TNFRSF9: variants seen among roughly 807,000 people sequenced by gnomAD.
TNFRSF9 encodes the protein TNF receptor superfamily member 9, also known as tumor necrosis factor receptor superfamily member 9.
A neutral mutation model predicts 28.8 loss-of-function variants in TNFRSF9; 16 were observed. The ratio of observed to expected loss-of-function variants is 0.55; its 90% CI spans 0.38 to 0.84. TNFRSF9 has a LOEUF of 0.84. Ranked by LOEUF, TNFRSF9 falls within the 40% of genes least tolerant of loss-of-function variation. The pLI is 0.00. For missense variants in TNFRSF9, 303 were observed against 315.0 expected, an observed-to-expected ratio of 0.96 and a Z score of 0.29; for synonymous variants, 131 against 117.0, an observed-to-expected ratio of 1.12 and a Z score of -0.77.
Position 7,940,076 on chromosome 1 carries a change from A to C in TNFRSF9, c.-82T>G. The C allele has an allele frequency of 1.0e-6, 1 of 962,414 alleles. No individual in the cohort carries two copies. The highest frequency in any genetic ancestry group is 1.6e-6 in the Non-Finnish European group (1 of 622,342). The allele number at this position is 962,414 out of a possible 1,614,324, so 59.6% of individuals were successfully genotyped here. A position where few individuals can be genotyped will look rare whatever the true frequency, so the allele number is the denominator to read the frequency against. On this transcript the variant is annotated splice_region_variant and 5_prime_UTR_variant, in exon 2 of 8. Coordinates refer to ENST00000377507, the MANE Select transcript of TNFRSF9 (RefSeq NM_001561.6). ...CAAATTAGCTGGTCTCACAAATGTC[A>C]CTCTGCAAAAGATAAACATTTCCAA...
rs1345970169 is a variant in TNFRSF9, at chr1:7,935,026, AG to A, written c.530del (p.Pro177LeufsTer18). The A allele has an allele frequency of 6.2e-7, 1 of 1,614,186 alleles. No individual in the cohort carries two copies. Among genetic ancestry groups the A allele is most frequent in the East Asian group, 2.2e-5 (1 of 44,880 alleles). On this transcript the variant is annotated frameshift_variant, in exon 6 of 8. Transcript: ENST00000377507. LOFTEE classifies it high-confidence loss of function. ...PGASSVTPPA[P>X]AREPGHSPQI... ...TAGCCCAGTTACCTGGCTCTCTCGCAGGGGCAGGCGGGGTCACAGAGGATGC... is the reference window on the plus strand; with the variant it reads ...TAGCCCAGTTACCTGGCTCTCTCGCAGGGCAGGCGGGGTCACAGAGGATGC...
Position 7,925,312 on chromosome 1 carries a change from A to T in TNFRSF9, c.680-4389T>A, listed in dbSNP as rs533052370. Among the ~76,000 whole-genome samples, 317 of 152,208 alleles carry T rather than the reference A, an allele frequency of 2.1e-3. 1 individual carries two copies. Among genetic ancestry groups the T allele is most frequent in the Admixed American group, 3.5e-3 (54 of 15,278 alleles). ...AGCAAGACCCTGCCTCAAAAAAAAA[A>T]AAATTAAAGTTTATGAAGTAAAAAG... is the stretch of plus-strand genomic sequence containing the variant. On this transcript the variant is annotated intron_variant, in intron 7 of 7. Transcript: ENST00000377507.
chr1:7,935,956 AT>A (rs1639809666), intron 5 of TNFRSF9, among the ~76,000 whole-genome samples: 1 of 152,196 alleles, frequency 6.6e-6, no homozygotes. Context: ...GGTAGCTATC[AT>A]TATCACCATC....
chr1:7,915,881 T>A lies in TNFRSF9; in HGVS notation c.*4954A>T, dbSNP rs2151407348. 6.6e-6 allele frequency: 1 copy of A among 152,326 alleles called. No homozygotes were observed. The highest frequency in any genetic ancestry group is 1.9e-4 in the East Asian group (1 of 5,188). 9.4% of individuals were successfully genotyped at this position (152,326 alleles called of 1,614,324 possible). A position where few individuals can be genotyped will look rare whatever the true frequency, so the allele number is the denominator to read the frequency against. On this transcript the variant is annotated 3_prime_UTR_variant, in exon 8 of 8. Coordinates refer to ENST00000377507, the MANE Select transcript of TNFRSF9 (RefSeq NM_001561.6). ...CTTTTTAAAATAAGGTCTTTTTTTCTTATTCTTTTTTTCCTGTGAACATCA... is the reference window on the plus strand; with the variant it reads ...CTTTTTAAAATAAGGTCTTTTTTTCATATTCTTTTTTTCCTGTGAACATCA...
chr1:7,925,466 A>G (rs1639638360), intron 7 of TNFRSF9, among the ~76,000 whole-genome samples: 1 of 152,172 alleles, frequency 6.6e-6, no homozygotes, highest in African/African-American at 2.4e-5. Flanking sequence ...CTTTTTGGCA[A>G]GAGGGACCAG....
At chr1:7,939,811 G>A in intron 2 of TNFRSF9, 84 bp downstream of exon 2, 1 of 968,494 alleles carries the variant, frequency 1.0e-6, no homozygotes, top group South Asian at 2.1e-5. Context: ...CCTTAAAAGG[G>A]AGCTCGTTAG....
chr1:7,921,104 G>C (rs1639551207), intron 7 of TNFRSF9, among the ~76,000 whole-genome samples, 181 bp from the exon 8 acceptor site: 1 of 152,020 alleles, frequency 6.6e-6, no homozygotes. Context: ...GGAAGGCCGA[G>C]GTGGGCAGAT....
In TNFRSF9 at chr1:7,920,716, G is replaced by T; in HGVS notation, c.*119C>A. On this transcript the variant is annotated 3_prime_UTR_variant, in exon 8 of 8. Coordinates refer to ENST00000377507, the MANE Select transcript of TNFRSF9 (RefSeq NM_001561.6). Reference sequence around the variant, plus strand: ...TGGCATTTAGAAAAGAACGTGTGTTGGGGGAATCCTGGGTATTATGTAGGA... The same window carrying T: ...TGGCATTTAGAAAAGAACGTGTGTTTGGGGAATCCTGGGTATTATGTAGGA... The T allele has an allele frequency of 1.3e-6, 1 of 794,398 alleles. No homozygotes were observed. The highest frequency in any genetic ancestry group is 2.1e-6 in the Non-Finnish European group (1 of 473,804). The allele number at this position is 794,398 out of a possible 1,614,324, so 49.2% of individuals were successfully genotyped here.
intron 6 of TNFRSF9, among the ~76,000 whole-genome samples, chr1:7,933,719 A>G (rs185817057): frequency 1.1e-4 from 16 of 152,206 alleles, no homozygotes; most frequent in Admixed American, 1.0e-3. Context: ...AAAGAAAAGA[A>G]AAAGAGAAAC....
chr1:7,936,887 T>C (rs1382882049), intron 5 of TNFRSF9, among the ~76,000 whole-genome samples: 2 of 152,214 alleles, frequency 1.3e-5, no homozygotes, highest in Admixed American at 6.5e-5. Flanking sequence ...GACAAGCCAT[T>C]TGTGGACCAG....
intron 7 of TNFRSF9, 89 bp downstream of exon 7, chr1:7,933,073 T>C: frequency 6.8e-7 from 1 of 1,480,236 alleles, no homozygotes; most frequent in Non-Finnish European, 9.0e-7. Flanking sequence ...TGAACCTCAT[T>C]TCTAGAATTT....
At position 7,919,503 on chromosome 1, in the gene TNFRSF9, A is replaced by C. The variant is rs552830967; in HGVS notation, c.*1332T>G. On this transcript the variant is annotated 3_prime_UTR_variant, in exon 8 of 8. Coordinates refer to ENST00000377507, the MANE Select transcript of TNFRSF9 (RefSeq NM_001561.6). ...GACAGAGTGAGACACTGTCTCAAAA[A>C]AAAATAAAATGAATAAAATTTAAAA... The C allele has an allele frequency of 3.3e-5, 5 of 152,346 alleles. No homozygotes were observed. The highest frequency in any genetic ancestry group is 1.2e-4 in the African/African-American group (5 of 41,576). The allele number at this position is 152,346 out of a possible 1,614,324, so 9.4% of individuals were successfully genotyped here.
rs780554355 is a variant in TNFRSF9, at chr1:7,934,998, G to A, written c.544+15C>T. The A allele has an allele frequency of 6.2e-7, 1 of 1,613,606 alleles. No individual in the cohort carries two copies. Among genetic ancestry groups the A allele is most frequent in the Admixed American group, 1.7e-5 (1 of 59,852 alleles). ...ATAAGATACGCACTTTGGCGTAAAG[G>A]CATAGCCCAGTTACCTGGCTCTCTC... On this transcript the variant is annotated intron_variant, in intron 6 of 7. Transcript: ENST00000377507.
At chr1:7,930,229 G>A (rs1301629982) in intron 7 of TNFRSF9, among the ~76,000 whole-genome samples, 4 of 151,894 alleles carry the variant, frequency 2.6e-5, no homozygotes, top group African/African-American at 9.7e-5. Flanking sequence ...CAGCCCCCCA[G>A]AATGCTAGGA....
In TNFRSF9 at chr1:7,937,684, A is replaced by G; in HGVS notation, c.413+6T>C. On this transcript the variant is annotated splice_donor_region_variant and intron_variant, in intron 5 of 7. Transcript: ENST00000377507. ...TATTCCATAAACTAAAGGAAATTAT[A>G]CGTACTTTGTCCAGGGTCGACAGAT... 1 of 1,611,490 alleles carries G rather than the reference A, an allele frequency of 6.2e-7. No homozygotes were observed. The highest frequency in any genetic ancestry group is 8.5e-7 in the Non-Finnish European group (1 of 1,177,742).
At chr1:7,929,146 TTTTTC>T (rs1312315363) in intron 7 of TNFRSF9, among the ~76,000 whole-genome samples, 15 of 131,510 alleles carry the variant, frequency 1.1e-4, no homozygotes, top group African/African-American at 4.7e-4. Flanking sequence ...GTTTTTCTTT[TTTTTC>T]TTTTTCCTTT....
In TNFRSF9 at chr1:7,917,725, A is replaced by C. The variant is rs1639499430; in HGVS notation, c.*3110T>G. 1 of 151,960 alleles carries C rather than the reference A, an allele frequency of 6.6e-6. No homozygotes were observed. Among genetic ancestry groups the C allele is most frequent in the South Asian group, 2.1e-4 (1 of 4,822 alleles). The allele number at this position is 151,960 out of a possible 1,614,324, so 9.4% of individuals were successfully genotyped here. ...AATGAAGAACTTTTTGCTTATTACC[A>C]GAAAGACAAAGAAAGACACCATTAA... On this transcript the variant is annotated 3_prime_UTR_variant, in exon 8 of 8. Coordinates refer to ENST00000377507, the MANE Select transcript of TNFRSF9 (RefSeq NM_001561.6).
At chr1:7,921,153 T>G (rs1229729869) in intron 7 of TNFRSF9, among the ~76,000 whole-genome samples, 4 of 151,090 alleles carry the variant, frequency 2.6e-5, no homozygotes, top group African/African-American at 9.7e-5. Context: ...GTGGCCAACA[T>G]AGCAAAACCC....
At chr1:7,933,082 T>A (rs568766045) in intron 7 of TNFRSF9, 80 bp downstream of exon 7, 4 of 1,503,714 alleles carry the variant, frequency 2.7e-6, no homozygotes, top group East Asian at 4.7e-5. Context: ...TTTCTAGAAT[T>A]TTTTTTAAAA....
Sources: gnomAD v4.1 joint callset for allele counts (sites outside exome capture counted in the v4.1 genomes callset) on GRCh38, gnomAD v4.1.1 for gene constraint, MANE v1.5 for transcripts, NCBI Gene and HGNC (gene_info 2026-07-23, HGNC 2026-07-21) for gene names.